Variants in PHF24 observed in about 807,000 individuals in gnomAD.
PHF24 encodes PHD finger protein 24.
PHF24 carries 25 observed loss-of-function variants against 42.6 expected under a neutral mutation model. That is an observed-to-expected ratio of 0.59 (90% CI 0.43 to 0.82). The LOEUF (loss-of-function observed/expected upper bound fraction) is 0.82. Ranked by LOEUF, PHF24 falls within the 40% of genes least tolerant of loss-of-function variation. The probability of loss-of-function intolerance (pLI) is 0.00; values close to 1 mark genes in which losing one functional copy is unlikely to be tolerated. For missense variants in PHF24, 470 were observed against 538.1 expected (o/e 0.87, Z 1.25); for synonymous variants, 185 against 204.8 (o/e 0.90, Z 0.83).
At chr9:34,928,662 A>G in the PHF24 span, among the ~76,000 whole-genome samples, 16 of 151,926 alleles carry the variant, frequency 1.1e-4, no homozygotes, top group African/African-American at 3.1e-4. Context: ...CCCTTCTCCT[A>G]TGGGAGCACA....
At chr9:34,707,001 A>T in the PHF24 span, among the ~76,000 whole-genome samples, 2 of 152,068 alleles carry the variant, frequency 1.3e-5, no homozygotes, top group Non-Finnish European at 2.9e-5. Context: ...AAAAAAAGTA[A>T]ACTTGTAAAC....
the PHF24 span, among the ~76,000 whole-genome samples, chr9:34,741,968 C>G: frequency 1.3e-5 from 2 of 152,166 alleles, no homozygotes; most frequent in African/African-American, 4.8e-5. Context: ...TATCAATGTA[C>G]TTGTCGAGAA....
At chr9:34,691,356 T>A in the PHF24 span, 1 of 518,966 alleles carries the variant, frequency 1.9e-6, no homozygotes, top group Non-Finnish European at 3.5e-6. Context: ...TCCCATTCTG[T>A]GATTCCCCTG....
chr9:34,922,955 T>A, the PHF24 span: 1 of 1,325,784 alleles, frequency 7.5e-7, no homozygotes, highest in Non-Finnish European at 1.0e-6. Context: ...TCACCTTGTG[T>A]CGGCATGGCC....
chr9:34,763,640 C>T, the PHF24 span, among the ~76,000 whole-genome samples: 1 of 152,144 alleles, frequency 6.6e-6, no homozygotes, highest in Admixed American at 6.5e-5. Flanking sequence ...ATGTCATCTG[C>T]AAACAGGGAC....
chr9:34,802,270 A>G, the PHF24 span, among the ~76,000 whole-genome samples: 1 of 152,012 alleles, frequency 6.6e-6, no homozygotes, highest in Admixed American at 6.6e-5. Flanking sequence ...ATAGTACCCC[A>G]CTTCCTAATC....
At chr9:34,739,564 C>T in the PHF24 span, among the ~76,000 whole-genome samples, 23 of 152,148 alleles carry the variant, frequency 1.5e-4, no homozygotes, top group South Asian at 1.9e-3. Context: ...TAAGGTGGCG[C>T]GTCTGGAGTT....
chr9:34,928,552 G>C, the PHF24 span, among the ~76,000 whole-genome samples: 35 of 152,298 alleles, frequency 2.3e-4, no homozygotes, highest in African/African-American at 7.5e-4. Flanking sequence ...TATCAGGCCA[G>C]TCTTTTTTTC....
At chr9:34,707,311 A>G in the PHF24 span, among the ~76,000 whole-genome samples, 11 of 152,176 alleles carry the variant, frequency 7.2e-5, no homozygotes, top group African/African-American at 2.4e-4. Flanking sequence ...CTGATGTCCA[A>G]TGATAGGATG....
chr9:34,704,037 T>G, the PHF24 span, among the ~76,000 whole-genome samples: 2 of 150,956 alleles, frequency 1.3e-5, no homozygotes, highest in Admixed American at 6.6e-5. Context: ...TTAGCTCTAA[T>G]TTTTTGTTTT....
the PHF24 span, among the ~76,000 whole-genome samples, chr9:34,722,378 T>G: frequency 6.6e-6 from 1 of 152,226 alleles, no homozygotes; most frequent in African/African-American, 2.4e-5. Flanking sequence ...AGAAATATCA[T>G]GAATACAGTG....
chr9:34,865,494 G>A, the PHF24 span, among the ~76,000 whole-genome samples: 4 of 152,046 alleles, frequency 2.6e-5, no homozygotes, highest in African/African-American at 9.7e-5. Flanking sequence ...AATCCAGGAG[G>A]CAGAGGTTTC....
At chr9:34,765,917 A>G in the PHF24 span, among the ~76,000 whole-genome samples, 35 of 151,788 alleles carry the variant, frequency 2.3e-4, no homozygotes, top group African/African-American at 8.5e-4. Context: ...ATCTCTCAGC[A>G]TTTGCTTGTC....
the PHF24 span, chr9:34,729,225 A>C: frequency 6.6e-7 from 1 of 1,505,366 alleles, no homozygotes; most frequent in Non-Finnish European, 8.9e-7. Context: ...GGAGCACGGT[A>C]AGAACTTATA....
chr9:34,776,595 A>G, the PHF24 span, among the ~76,000 whole-genome samples: 16 of 152,106 alleles, frequency 1.1e-4, no homozygotes, highest in Non-Finnish European at 1.8e-4. Flanking sequence ...CATATCCTGA[A>G]TTGTTTTCTG....
chr9:34,677,396 T>TTTTTTTTTTTTTTTTTTTG, the PHF24 span, among the ~76,000 whole-genome samples: 1 of 87,340 alleles, frequency 1.1e-5, no homozygotes, highest in Non-Finnish European at 2.9e-5. Flanking sequence ...ACTGTTTTTT[T>TTTTTTTTTTTTTTTTTTTG]TTTTTTTTTT....
At chr9:34,772,009 G>A in the PHF24 span, among the ~76,000 whole-genome samples, 2 of 152,154 alleles carry the variant, frequency 1.3e-5, no homozygotes, top group Non-Finnish European at 2.9e-5. Flanking sequence ...AACACCAGGT[G>A]CTAAATATTA....
the PHF24 span, chr9:34,917,091 C>T: frequency 1.4e-6 from 1 of 732,864 alleles, no homozygotes; most frequent in South Asian, 1.4e-5. Context: ...AGCACAGAGG[C>T]CTCCTCTCCT....
At chr9:34,922,654 C>G in the PHF24 span, 1 of 1,142,886 alleles carries the variant, frequency 8.7e-7, no homozygotes, top group South Asian at 1.2e-5. Flanking sequence ...TATCTCTTAG[C>G]TAGGTCTCAG....
Sources: gnomAD v4.1 joint callset for allele counts (sites outside exome capture counted in the v4.1 genomes callset) on GRCh38, gnomAD v4.1.1 for gene constraint, MANE v1.5 for transcripts, NCBI Gene and HGNC (gene_info 2026-07-23, HGNC 2026-07-21) for gene names.